ACSS3: variants seen among roughly 807,000 people sequenced by gnomAD.
ACSS3 encodes acyl-CoA synthetase short-chain family member 3, mitochondrial.
ACSS3 carries 64 observed loss-of-function variants against 84.2 expected under a neutral mutation model. The observed-to-expected ratio is 0.76, with a 90% confidence interval of 0.62 to 0.94. The LOEUF is 0.94. ACSS3 is among the 40% of genes least tolerant of loss of function. The pLI, the probability that ACSS3 is intolerant of heterozygous loss-of-function variation, is 0.00. For synonymous variants in ACSS3, 317 were observed against 310.1 expected (o/e 1.02, Z -0.23); for missense variants, 815 against 867.6 (o/e 0.94, Z 0.76).
At chr12:81,118,007 G>T (rs1488927064) in intron 2 of ACSS3, 2 of 152,244 alleles carry the variant, frequency 1.3e-5, no homozygotes, top group South Asian at 4.1e-4. Context: ...CAGGTCTTTT[G>T]TGAGCATTCT....
Position 81,260,821 on chromosome 12 carries a change from G to A in ACSS3, c.*5899G>A, listed in dbSNP as rs150304118. Reference sequence around the variant, plus strand: ...GTGCACACATTTTGTTCTAAATATCGCTCTTAAAAAGTATTTTTCTAAAAT... The same window carrying A: ...GTGCACACATTTTGTTCTAAATATCACTCTTAAAAAGTATTTTTCTAAAAT... On this transcript the variant is annotated 3_prime_UTR_variant, in exon 16 of 16. Coordinates refer to ENST00000548058, the MANE Select transcript of ACSS3 (RefSeq NM_024560.4). 8 of 151,872 alleles carry A rather than the reference G, an allele frequency of 5.3e-5. No individual in the cohort carries two copies. The East Asian group carries it at 1.2e-3, about 22-fold the overall frequency. The allele number at this position is 151,872 out of a possible 1,614,324, so 9.4% of individuals were successfully genotyped here.
intron 11 of ACSS3, among the ~76,000 whole-genome samples, chr12:81,221,020 C>T (rs905228138): frequency 1.3e-5 from 2 of 151,978 alleles, no homozygotes; most frequent in Non-Finnish European, 2.9e-5. Context: ...TAGCAAATAT[C>T]CCATCTTCTT....
chr12:81,112,391 T>C (rs1009264691), intron 2 of ACSS3, among the ~76,000 whole-genome samples: 1 of 152,208 alleles, frequency 6.6e-6, no homozygotes, highest in African/African-American at 2.4e-5. Flanking sequence ...CATTCTCATT[T>C]TCTTTTGTTG....
intron 7 of ACSS3, among the ~76,000 whole-genome samples, chr12:81,171,248 C>T (rs988529215): frequency 2.0e-5 from 3 of 152,014 alleles, no homozygotes; most frequent in African/African-American, 7.2e-5. Context: ...ACAACAGTTT[C>T]TGATGAAAGA....
chr12:81,186,064 T>C lies in ACSS3; in HGVS notation c.1250+11125T>C, dbSNP rs80141062. On this transcript the variant is annotated intron_variant, in intron 8 of 15. Transcript: ENST00000548058. ...CCCCAGAAATAGATCCAAACGTATA[T>C]GGTCAACTAAGTCTTGACAAGCACA... 6.5e-3 allele frequency among the ~76,000 whole-genome samples: 980 copies of C among 151,804 alleles called. 6 individuals carry two copies. Among genetic ancestry groups the C allele is most frequent in the African/African-American group, 0.022 (915 of 41,490 alleles).
intron 9 of ACSS3, among the ~76,000 whole-genome samples, chr12:81,204,808 CA>C (rs1258838061): frequency 6.6e-6 from 1 of 152,058 alleles, no homozygotes; most frequent in African/African-American, 2.4e-5. Flanking sequence ...AAGTAATGAC[CA>C]CCAACTTGAG....
At chr12:81,137,060 C>T (rs1565998178) in intron 3 of ACSS3, among the ~76,000 whole-genome samples, 1 of 151,926 alleles carries the variant, frequency 6.6e-6, no homozygotes, top group Non-Finnish European at 1.5e-5. Context: ...TTGCATATCT[C>T]ACTTTATCTT....
intron 1 of ACSS3, among the ~76,000 whole-genome samples, chr12:81,087,687 A>AT (rs1258994564): frequency 2.6e-5 from 4 of 151,972 alleles, no homozygotes; most frequent in African/African-American, 7.2e-5. Context: ...AATTCCATTG[A>AT]TTTTCAATTG....
intron 7 of ACSS3, among the ~76,000 whole-genome samples, chr12:81,169,004 A>C (rs1285889319): frequency 1.3e-5 from 2 of 152,204 alleles, no homozygotes. Context: ...ACTAAAACAC[A>C]ACAGTGCTCA....
intron 2 of ACSS3, among the ~76,000 whole-genome samples, chr12:81,111,861 C>T (rs1280248738): frequency 6.6e-6 from 1 of 152,094 alleles, no homozygotes; most frequent in African/African-American, 2.4e-5. Flanking sequence ...AGGATGCAAA[C>T]AAGGGGAATT....
intron 7 of ACSS3, among the ~76,000 whole-genome samples, chr12:81,172,950 A>C (rs1044974838): frequency 1.3e-5 from 2 of 152,192 alleles, no homozygotes; most frequent in African/African-American, 2.4e-5. Flanking sequence ...TTATTATCTC[A>C]GTGCCTTTAG....
rs1379383557 is a variant in ACSS3, at chr12:81,078,417, G to C, written c.297G>C (p.Ser99=). 8.7e-6 allele frequency: 14 copies of C among 1,612,222 alleles called. No individual in the cohort carries two copies. The highest frequency in any genetic ancestry group is 2.7e-5 in the African/African-American group (2 of 74,826). Residue 99 remains serine (S), a synonymous_variant, in exon 1 of 16, where the codon TCG becomes TCC. Coordinates refer to ENST00000548058, the MANE Select transcript of ACSS3 (RefSeq NM_024560.4). The part of the protein sequence containing the change: ...PWTKTLENKH[S]PSTRWFVEGM... ...CCAAAACGCTGGAGAACAAACACTC[G>C]CCCTCTACCAGGTGGTGAGTGACTT...
At chr12:81,097,278 T>C (rs768610604) in intron 1 of ACSS3, among the ~76,000 whole-genome samples, 6 of 152,194 alleles carry the variant, frequency 3.9e-5, no homozygotes, top group Admixed American at 6.5e-5. Context: ...ACCAGTTCCA[T>C]TGCAATCTCT....
At chr12:81,129,867 C>A (rs559318442) in intron 2 of ACSS3, among the ~76,000 whole-genome samples, 25 of 148,024 alleles carry the variant, frequency 1.7e-4, no homozygotes, top group Non-Finnish European at 3.3e-4. Flanking sequence ...TGAGTGAGAA[C>A]ATGTGGTGTT....
At chr12:81,122,320 G>A (rs148087863) in intron 2 of ACSS3, among the ~76,000 whole-genome samples, 1 of 151,942 alleles carries the variant, frequency 6.6e-6, no homozygotes, top group East Asian at 1.9e-4. Context: ...TATCTCTACC[G>A]ACTCTACTTG....
At chr12:81,220,119 T>C in intron 11 of ACSS3, 43 bp downstream of exon 11, 2 of 1,306,086 alleles carry the variant, frequency 1.5e-6, no homozygotes, top group African/African-American at 1.5e-5. Context: ...GGGCAAAAAC[T>C]GGTGTATATA....
chr12:81,225,779 A>G (rs1220229287), intron 11 of ACSS3, among the ~76,000 whole-genome samples: 1 of 151,930 alleles, frequency 6.6e-6, no homozygotes, highest in East Asian at 1.9e-4. Flanking sequence ...AATGTGTAGC[A>G]CAGTGCATGA....
At chr12:81,100,100 G>C (rs1423512254) in intron 1 of ACSS3, among the ~76,000 whole-genome samples, 1 of 152,084 alleles carries the variant, frequency 6.6e-6, no homozygotes, top group African/African-American at 2.4e-5. Context: ...AGGTGAAGAA[G>C]AGAACAAATC....
At chr12:81,232,216 T>A (rs1352111294) in intron 12 of ACSS3, among the ~76,000 whole-genome samples, 1 of 151,646 alleles carries the variant, frequency 6.6e-6, no homozygotes, top group Non-Finnish European at 1.5e-5. Context: ...AGATGATTGA[T>A]TATAGCCTGA....
Sources: gnomAD v4.1 joint callset for allele counts (sites outside exome capture counted in the v4.1 genomes callset) on GRCh38, gnomAD v4.1.1 for gene constraint, MANE v1.5 for transcripts, NCBI Gene and HGNC (gene_info 2026-07-23, HGNC 2026-07-21) for gene names.